The following MUCL1 variants were observed in gnomAD, a reference collection of about 807,000 sequenced individuals.
The protein encoded by MUCL1 is mucin like 1, also known as mucin-like protein 1.
In MUCL1, 11 loss-of-function variants were observed where a neutral mutation model predicts 9.2. That is an observed-to-expected ratio of 1.19 (90% CI 0.75 to 1.97). The LOEUF (loss-of-function observed/expected upper bound fraction) is 1.97. Ranked by LOEUF, MUCL1 falls within the 30% of genes most tolerant of loss-of-function variation. The pLI is 0.00. For synonymous variants in MUCL1, 48 were observed against 40.5 expected, an observed-to-expected ratio of 1.19 and a Z score of -0.71; for missense variants, 144 against 110.9, an observed-to-expected ratio of 1.30 and a Z score of -1.34.
intron 1 of MUCL1, among the ~76,000 whole-genome samples, chr12:54,846,031 A>G (rs1959248792): frequency 6.6e-6 from 1 of 152,120 alleles, no homozygotes; most frequent in Non-Finnish European, 1.5e-5. Context: ...GTTTTAAGAC[A>G]TTGACAAATT....
intron 1 of MUCL1, among the ~76,000 whole-genome samples, chr12:54,845,016 A>G (rs77628241): frequency 0.033 from 4,960 of 152,258 alleles, 269 homozygotes; most frequent in African/African-American, 0.11. Flanking sequence ...GACTAATTAA[A>G]TGGCTGGAGG....
intron 1 of MUCL1, among the ~76,000 whole-genome samples, chr12:54,848,255 C>T (rs1022460085): frequency 5.9e-5 from 9 of 152,064 alleles, no homozygotes; most frequent in East Asian, 1.9e-4. Context: ...GGCTTCTGTG[C>T]TGCTTTCTCT....
Position 54,854,572 on chromosome 12 carries a change from A to AT in MUCL1, c.-11_-10insT, listed in dbSNP as rs748545660. 2.5e-6 allele frequency: 4 copies of AT among 1,612,040 alleles called. No individual in the cohort carries two copies. The highest frequency in any genetic ancestry group is 1.3e-5 in the African/African-American group (1 of 74,760). On this transcript the variant is annotated 5_prime_UTR_variant, in exon 1 of 4. The change creates a new upstream start codon in the 5' untranslated region. Transcript: ENST00000308796. ...TTTTTGTCTGTGCTCCCTGATCTTC[A>AT]GGTCACCACCATGAAGTTCTTAGCA...
Position 54,846,701 on chromosome 12 carries a change from C to T in MUCL1, c.43+7254C>T, listed in dbSNP as rs1051848115. ...AATTTGTGTTTAGGAAAGATCTTTC[C>T]TGGTGGTAAAATAATGAATCAGGAC... On this transcript the variant is annotated intron_variant, in intron 1 of 3. Transcript: ENST00000546809. Among the ~76,000 whole-genome samples the T allele has an allele frequency of 3.7e-5, 5 of 136,834 alleles. No homozygotes were observed. In the South Asian group the frequency reaches 1.0e-3, roughly 27 times the overall value. 89.8% of individuals were successfully genotyped at this position (136,834 alleles called of 152,430 possible).
rs996531520 is a variant in MUCL1 at position 54,839,529 on chromosome 12, T to C, written c.43+82T>C. On this transcript the variant is annotated intron_variant, in intron 1 of 3. Transcript: ENST00000546809. ...TGGGGGAGGTCTCAGTGAAATGCAC[T>C]GAGGTCTTTTCATTGGGGTAGGGAG... 3 of 700,054 alleles carry C rather than the reference T, an allele frequency of 4.3e-6. No individual in the cohort carries two copies. The Admixed American group carries it at 6.0e-5, about 14-fold the overall frequency. 43.4% of individuals were successfully genotyped at this position (700,054 alleles called of 1,614,324 possible). A position where few individuals can be genotyped will look rare whatever the true frequency, so the allele number is the denominator to read the frequency against.
upstream of MUCL1, among the ~76,000 whole-genome samples, chr12:54,837,201 G>A (rs917146835): frequency 6.6e-6 from 1 of 152,046 alleles, no homozygotes; most frequent in African/African-American, 2.4e-5. Context: ...AACTACTATT[G>A]TGCTGCTGTC....
chr12:54,838,300 G>T (rs900412703), upstream of MUCL1, among the ~76,000 whole-genome samples: 2 of 152,200 alleles, frequency 1.3e-5, no homozygotes, highest in African/African-American at 4.8e-5. Flanking sequence ...GAAGTCTGCT[G>T]TTAGTTTGAT....
At chr12:54,855,859 G>T (rs1247077747) in intron 2 of MUCL1, among the ~76,000 whole-genome samples, 1 of 152,186 alleles carries the variant, frequency 6.6e-6, no homozygotes, top group Non-Finnish European at 1.5e-5. Context: ...GCTTTAGTCA[G>T]ACCTCACATA....
upstream of MUCL1, among the ~76,000 whole-genome samples, chr12:54,851,138 T>C (rs1398675847): frequency 6.6e-6 from 1 of 152,192 alleles, no homozygotes. Flanking sequence ...GTAGTTTCTT[T>C]TGCTGTGCAG....
chr12:54,844,493 A>G (rs1409024481), intron 1 of MUCL1, among the ~76,000 whole-genome samples: 1 of 152,234 alleles, frequency 6.6e-6, no homozygotes, highest in Non-Finnish European at 1.5e-5. Context: ...CTTTAGCACA[A>G]CATCTTTATA....
rs1868286953 is a variant in MUCL1, at chr12:54,854,762, C to G, written c.58+122C>G. On this transcript the variant is annotated intron_variant, in intron 1 of 3. Coordinates refer to ENST00000308796, the MANE Select transcript of MUCL1 (RefSeq NM_058173.3). ...TTTTACCTCTCCTAACTTGTTCTAT[C>G]ACCATTTTGACTGACCGTTCAAGAT... 1.6e-5 allele frequency: 13 copies of G among 824,078 alleles called. No homozygotes were observed. The East Asian group carries it at 3.3e-4, about 21-fold the overall frequency. The allele number at this position is 824,078 out of a possible 1,614,324, so 51.0% of individuals were successfully genotyped here. A position where few individuals can be genotyped will look rare whatever the true frequency, so the allele number is the denominator to read the frequency against.
chr12:54,850,990 C>T (rs1422697620), upstream of MUCL1, among the ~76,000 whole-genome samples: 7 of 152,148 alleles, frequency 4.6e-5, no homozygotes, highest in African/African-American at 1.7e-4. Flanking sequence ...ATCCTTTACC[C>T]ACTTGTTGAT....
At chr12:54,849,152 T>A (rs1959299758) in intron 1 of MUCL1, among the ~76,000 whole-genome samples, 1 of 152,172 alleles carries the variant, frequency 6.6e-6, no homozygotes, top group Non-Finnish European at 1.5e-5. Context: ...TAAGGCCATT[T>A]TGTACAGCAT....
chr12:54,831,044 A>C (rs978514847), intron 1 of MUCL1, among the ~76,000 whole-genome samples: 6 of 152,184 alleles, frequency 3.9e-5, no homozygotes, highest in Non-Finnish European at 8.8e-5. Flanking sequence ...TAAAAATATA[A>C]AGTAGAAGAA....
upstream of MUCL1, among the ~76,000 whole-genome samples, chr12:54,835,092 T>C (rs939780072): frequency 6.6e-6 from 1 of 152,186 alleles, no homozygotes; most frequent in Non-Finnish European, 1.5e-5. Flanking sequence ...TATTTCATTC[T>C]CTTTTATGGC....
intron 1 of MUCL1, among the ~76,000 whole-genome samples, chr12:54,849,449 A>T (rs942185439): frequency 6.6e-6 from 1 of 152,066 alleles, no homozygotes; most frequent in African/African-American, 2.4e-5. Flanking sequence ...TTCTATTTTA[A>T]TTTTTATAAA....
At chr12:54,850,641 G>A (rs191658255), upstream of MUCL1, among the ~76,000 whole-genome samples, 2 of 152,252 alleles carry the variant, frequency 1.3e-5, no homozygotes, top group East Asian at 1.9e-4. Context: ...TGTCTTTTTA[G>A]CAGCATGATT....
Position 54,854,640 on chromosome 12 carries a change from C to T in MUCL1, c.58C>T (p.Gln20Ter), listed in dbSNP as rs753507957. ...AGTTTCCATCTTTCTGGTCTCTGCC[C>T]GTAAGTAAAGATTCTTACCTGAACA... ...LGVSIFLVSA[Q>*]NPTTAAPADT... Residue 20 changes from glutamine to a stop codon, truncating the protein, a stop_gained and splice_region_variant, in exon 1 of 4, where the codon CAG becomes TAG. Coordinates refer to ENST00000308796, the MANE Select transcript of MUCL1 (RefSeq NM_058173.3). LOFTEE classifies it high-confidence loss of function. 8.7e-6 allele frequency: 14 copies of T among 1,611,910 alleles called. No individual in the cohort carries two copies. Among genetic ancestry groups the T allele is most frequent in the South Asian group, 3.3e-5 (3 of 91,004 alleles).
In MUCL1 at chr12:54,856,860, C is replaced by T. The variant is rs1868304391; in HGVS notation, c.191C>T (p.Ala64Val). ...GCTGCTCCTACCACTGCAACCACCG[C>T]TGCTTCTACCACTGCTCGTAAAGAC... ...TTAAPTTATT[A>V]ASTTARKDIP... The change falls in exon 3 of 4, where the codon GCT (alanine) becomes GTT (valine). Residue 64 changes from alanine (A) to valine (V), a missense_variant. By Grantham distance (64) the Ala-to-Val change is moderately conservative (BLOSUM62 0). Transcript: ENST00000308796. 6.2e-7 allele frequency: 1 copy of T among 1,613,268 alleles called. No individual in the cohort carries two copies. The highest frequency in any genetic ancestry group is 1.7e-5 in the Admixed American group (1 of 59,892).
Sources: gnomAD v4.1 joint callset for allele counts (sites outside exome capture counted in the v4.1 genomes callset) on GRCh38, gnomAD v4.1.1 for gene constraint, MANE v1.5 for transcripts, NCBI Gene and HGNC (gene_info 2026-07-23, HGNC 2026-07-21) for gene names.